Variants in ABCA13 observed in about 807,000 individuals in gnomAD.
ABCA13 encodes ATP binding cassette subfamily A member 13.
Under a neutral mutation model 478.7 loss-of-function variants are expected in ABCA13, and 476 were observed. That is an observed-to-expected ratio of 0.99 (90% CI 0.92 to 1.07). The LOEUF (loss-of-function observed/expected upper bound fraction) is 1.07, where lower values mean the gene tolerates loss of function less well. ABCA13 is among the 50% of genes least tolerant of loss of function. The pLI is 0.00. For synonymous variants in ABCA13, 2,252 were observed against 2,158.9 expected, an observed-to-expected ratio of 1.04 and a Z score of -1.20; for missense variants, 6,060 against 5,910.6, an observed-to-expected ratio of 1.03 and a Z score of -0.83.
chr7:48,440,704 CTATATATATCCTCTATATAGGA>C (rs745838580), intron 42 of ABCA13, among the ~76,000 whole-genome samples: 66 of 151,564 alleles, frequency 4.4e-4, no homozygotes, highest in African/African-American at 1.0e-3. Flanking sequence ...GATGTATTGC[CTATATATATCCTCTATATAGGA>C]TATATATATC....
intron 38 of ABCA13, among the ~76,000 whole-genome samples, chr7:48,392,763 G>A (rs924616477): frequency 6.6e-6 from 1 of 152,162 alleles, no homozygotes; most frequent in Non-Finnish European, 1.5e-5. Context: ...GGTGGTGACA[G>A]CCTGATTTAT....
At chr7:48,386,418 C>T (rs1438207911) in intron 35 of ABCA13, among the ~76,000 whole-genome samples, 1 of 152,048 alleles carries the variant, frequency 6.6e-6, no homozygotes, top group Non-Finnish European at 1.5e-5. Context: ...AAAAGGAGCC[C>T]GAATAGCCAA....
Position 48,507,917 on chromosome 7 carries a change from G to A in ABCA13, c.13392G>A (p.Leu4464=). The A allele has an allele frequency of 6.2e-7, 1 of 1,613,022 alleles. No individual in the cohort carries two copies. The highest frequency in any genetic ancestry group is 8.5e-7 in the Non-Finnish European group (1 of 1,179,544). ...GTGGAGTGGCCCTCTGCATCGTGCT[G>A]GGATTCTCCATCCTGTCTGCATCCA... The part of the protein sequence containing the change: ...RQCGVALCIV[L]GFSILSASIG... Residue 4464 remains leucine, a synonymous_variant, in exon 50 of 62, where the codon CTG becomes CTA. Coordinates refer to ENST00000435803, the MANE Select transcript of ABCA13 (RefSeq NM_152701.5).
intron 42 of ABCA13, among the ~76,000 whole-genome samples, chr7:48,448,044 A>G (rs977296476): frequency 1.9e-4 from 29 of 152,100 alleles, no homozygotes; most frequent in African/African-American, 6.5e-4. Flanking sequence ...ATCATCACTA[A>G]CTTTTCCAAG....
At chr7:48,462,364 C>G (rs955947758) in intron 43 of ABCA13, among the ~76,000 whole-genome samples, 4 of 151,984 alleles carry the variant, frequency 2.6e-5, no homozygotes, top group African/African-American at 9.7e-5. Context: ...AGCAGTCTAT[C>G]TGAGTCTCTT....
chr7:48,362,376 T>A (rs899546719), intron 31 of ABCA13, among the ~76,000 whole-genome samples: 1 of 151,462 alleles, frequency 6.6e-6, no homozygotes, highest in Non-Finnish European at 1.5e-5. Flanking sequence ...TGAACTCTGC[T>A]TTTTTTCCCT....
At chr7:48,488,224 T>C (rs911565087) in intron 47 of ABCA13, among the ~76,000 whole-genome samples, 2 of 151,856 alleles carry the variant, frequency 1.3e-5, no homozygotes, top group Non-Finnish European at 2.9e-5. Context: ...TTGTCTTGTG[T>C]AGTAGGGTTT....
intron 57 of ABCA13, among the ~76,000 whole-genome samples, chr7:48,592,850 G>A (rs1789894108): frequency 1.3e-5 from 2 of 151,206 alleles, no homozygotes; most frequent in African/African-American, 4.9e-5. Context: ...TACAGTTTTT[G>A]ACTTAAAGCA....
At chr7:48,425,816 C>T (rs908553229) in intron 41 of ABCA13, among the ~76,000 whole-genome samples, 1 of 152,082 alleles carries the variant, frequency 6.6e-6, no homozygotes, top group African/African-American at 2.4e-5. Flanking sequence ...TCTCGGCTCA[C>T]TGCAGGCTCC....
chr7:48,457,806 G>C (rs181867276), intron 43 of ABCA13, among the ~76,000 whole-genome samples: 2 of 152,284 alleles, frequency 1.3e-5, no homozygotes, highest in Admixed American at 1.3e-4. Flanking sequence ...AAAGAGAAAA[G>C]AACAAGCTTA....
intron 42 of ABCA13, among the ~76,000 whole-genome samples, chr7:48,451,245 C>G (rs931013601): frequency 6.6e-6 from 1 of 152,078 alleles, no homozygotes; most frequent in East Asian, 1.9e-4. Context: ...TAATCTGCTC[C>G]ACCTTGGCCT....
At chr7:48,468,037 C>A (rs1357794857) in intron 44 of ABCA13, among the ~76,000 whole-genome samples, 1 of 152,106 alleles carries the variant, frequency 6.6e-6, no homozygotes, top group Non-Finnish European at 1.5e-5. Context: ...TAAAATATGT[C>A]TACCTTTGAA....
chr7:48,186,281 C>G (rs906245171), intron 1 of ABCA13, among the ~76,000 whole-genome samples: 1 of 151,994 alleles, frequency 6.6e-6, no homozygotes, highest in Non-Finnish European at 1.5e-5. Flanking sequence ...TGAAAAATTT[C>G]TTTTAGCCTC....
chr7:48,504,277 T>C (rs1831014002), intron 48 of ABCA13, among the ~76,000 whole-genome samples: 1 of 152,160 alleles, frequency 6.6e-6, no homozygotes, highest in African/African-American at 2.4e-5. Context: ...GTAAAGAATA[T>C]GGGCTCTATA....
At chr7:48,411,195 T>G (rs1196670318) in intron 40 of ABCA13, among the ~76,000 whole-genome samples, 1 of 149,548 alleles carries the variant, frequency 6.7e-6, no homozygotes, top group Non-Finnish European at 1.5e-5. Flanking sequence ...CTTTCTTTCC[T>G]TTTCTTTTCT....
At chr7:48,510,629 G>T (rs1239619075) in intron 50 of ABCA13, among the ~76,000 whole-genome samples, 2 of 152,242 alleles carry the variant, frequency 1.3e-5, no homozygotes, top group East Asian at 3.9e-4. Context: ...TTCTCTCATT[G>T]TCCTGGAGGC....
intron 3 of ABCA13, among the ~76,000 whole-genome samples, chr7:48,218,792 G>A (rs1174543387): frequency 6.6e-6 from 1 of 152,164 alleles, no homozygotes; most frequent in Non-Finnish European, 1.5e-5. Flanking sequence ...TTCATTATAG[G>A]TTGTGAGAAT....
Position 48,317,286 on chromosome 7 carries a change from T to G in ABCA13, c.9989T>G (p.Val3330Gly), listed in dbSNP as rs773105279. The change falls in exon 27 of 62, where the codon GTC (valine) becomes GGC (glycine). Residue 3330 changes from valine (V) to glycine (G), a missense_variant. Physicochemically the swap from Val to Gly is moderately radical, Grantham distance 109. Around this residue, in one of 3 missense-constraint regions of ABCA13, gnomAD observed 4,423 missense variants for 4,309.1 expected, o/e 1.03. Transcript: ENST00000435803. ...YTPNTPEINK[V>G]IQKANYTFYI... The stretch of plus-strand genomic sequence containing the variant: ...CCAAACACTCCAGAAATTAACAAGG[T>G]CATTCAAAAGGTAAGTTAAAATAAA... 1.2e-5 allele frequency: 20 copies of G among 1,612,856 alleles called. No homozygotes were observed. Among genetic ancestry groups the G allele is most frequent in the South Asian group, 3.3e-5 (3 of 90,876 alleles).
At chr7:48,518,718 G>A (rs1169006936) in intron 52 of ABCA13, among the ~76,000 whole-genome samples, 1 of 151,960 alleles carries the variant, frequency 6.6e-6, no homozygotes. Flanking sequence ...TCATTTGTAG[G>A]TTATGGAGCT....
Sources: gnomAD v4.1 joint callset for allele counts (sites outside exome capture counted in the v4.1 genomes callset) on GRCh38, gnomAD v4.1.1 for gene constraint, gnomAD v4.1.1 regional missense constraint, MANE v1.5 for transcripts, NCBI Gene and HGNC (gene_info 2026-07-23, HGNC 2026-07-21) for gene names.